Variants in CASK observed in about 807,000 individuals in gnomAD.
The protein encoded by CASK is calcium/calmodulin dependent serine protein kinase.
Under a neutral mutation model 82.9 loss-of-function variants are expected in CASK, and 4 were observed. That is an observed-to-expected ratio of 0.05 (90% CI 0.02 to 0.11). CASK has a LOEUF of 0.11. Ranked by LOEUF, CASK falls within the 10% of genes least tolerant of loss-of-function variation. The pLI, the probability that CASK is intolerant of heterozygous loss-of-function variation, is 1.00. For missense variants in CASK, 358 were observed against 720.9 expected (o/e 0.50, Z 5.76); for synonymous variants, 259 against 253.5 (o/e 1.02, Z -0.20).
chrX:41,767,171 C>T (rs750660373), intron 3 of CASK, among the ~76,000 whole-genome samples: 27 of 111,924 alleles, frequency 2.4e-4, no homozygotes, highest in Admixed American at 6.7e-4. Flanking sequence ...GATCCTTTAA[C>T]AACACAGTTC....
chrX:41,529,687 T>G (rs999564685), intron 25 of CASK: 2 of 113,503 alleles, frequency 1.8e-5, no homozygotes, highest in South Asian at 3.6e-4. Context: ...AAAATCAATC[T>G]GTGGTACACA....
At position 41,523,931 on chromosome X, in the gene CASK, A is replaced by G. The variant is rs1327969182; in HGVS notation, c.2604+20T>C. 1.8e-6 allele frequency: 2 copies of G among 1,129,168 alleles called. No homozygotes were observed. Among genetic ancestry groups the G allele is most frequent in the Non-Finnish European group, 2.4e-6 (2 of 823,673 alleles). 93.1% of individuals were successfully genotyped at this position (1,129,168 alleles called of 1,213,427 possible). A position where few individuals can be genotyped will look rare whatever the true frequency, so the allele number is the denominator to read the frequency against. On this transcript the variant is annotated intron_variant, in intron 26 of 26. Coordinates refer to ENST00000378163, the MANE Select transcript of CASK (RefSeq NM_001367721.1). ...CTTGATCCTTACAGCTTATTTGGGG[A>G]AAAACAGATTGATTCTTACCTCATT...
chrX:41,814,494 C>T (rs1384152003), intron 2 of CASK, among the ~76,000 whole-genome samples: 1 of 106,696 alleles, frequency 9.4e-6, no homozygotes, highest in African/African-American at 3.4e-5. Context: ...ATCGCAAGGA[C>T]AAAAAACCAA....
intron 14 of CASK, among the ~76,000 whole-genome samples, chrX:41,581,719 T>C (rs994308762): frequency 9.2e-6 from 1 of 108,968 alleles, no homozygotes; most frequent in African/African-American, 3.4e-5. Context: ...AGCCCCAGCA[T>C]TTAAAAGCTT....
intron 3 of CASK, among the ~76,000 whole-genome samples, chrX:41,765,272 T>A (rs775634547): frequency 1.8e-5 from 2 of 112,051 alleles, no homozygotes; most frequent in African/African-American, 6.5e-5. Context: ...TGAGTACAGT[T>A]TTTTAATGAA....
At chrX:41,667,246 C>T (rs932578626) in intron 6 of CASK, among the ~76,000 whole-genome samples, 19 of 111,424 alleles carry the variant, frequency 1.7e-4, no homozygotes, top group African/African-American at 5.2e-4. Flanking sequence ...AGGGGAAAAA[C>T]CATGGTAGAA....
At chrX:41,870,840 G>A (rs2071694846) in intron 1 of CASK, among the ~76,000 whole-genome samples, 1 of 112,226 alleles carries the variant, frequency 8.9e-6, no homozygotes, top group East Asian at 2.8e-4. Flanking sequence ...TGTTTGAAGA[G>A]CAGTAAGAAC....
chrX:41,854,189 T>C (rs779882717), intron 1 of CASK, among the ~76,000 whole-genome samples: 1 of 105,971 alleles, frequency 9.4e-6, no homozygotes, highest in South Asian at 4.3e-4. Context: ...GCCCATACCC[T>C]GGTCCAGGGA....
At chrX:41,588,194 C>G (rs1404615711) in intron 13 of CASK, 1 of 112,249 alleles carries the variant, frequency 8.9e-6, no homozygotes, top group Non-Finnish European at 1.9e-5. Context: ...CATATTGTTT[C>G]AAGATGATAA....
At chrX:41,817,254 G>A (rs1386089378) in intron 2 of CASK, among the ~76,000 whole-genome samples, 1 of 111,953 alleles carries the variant, frequency 8.9e-6, no homozygotes, top group East Asian at 2.8e-4. Flanking sequence ...AAAACCTACA[G>A]CTAATATTAA....
At chrX:41,748,441 G>A in intron 3 of CASK, 1 of 159,297 alleles carries the variant, frequency 6.3e-6, no homozygotes, top group South Asian at 1.4e-4. Flanking sequence ...ATCAGCCCCA[G>A]ATCCCAGATT....
intron 4 of CASK, chrX:41,743,609 G>T: frequency 3.4e-6 from 1 of 295,335 alleles, no homozygotes; most frequent in South Asian, 2.0e-4. Context: ...CCATCCCTGA[G>T]ACTAGGTCCC....
intron 5 of CASK, among the ~76,000 whole-genome samples, chrX:41,677,587 G>A (rs1245295551): frequency 8.9e-6 from 1 of 111,912 alleles, no homozygotes; most frequent in African/African-American, 3.3e-5. Flanking sequence ...TTGGTGGCAC[G>A]ATGGAGGCAA....
At chrX:41,916,977 A>G (rs916414723) in intron 1 of CASK, among the ~76,000 whole-genome samples, 3 of 112,415 alleles carry the variant, frequency 2.7e-5, no homozygotes, top group African/African-American at 6.5e-5. Flanking sequence ...CTGATGTTTC[A>G]TTAAAGAGAA....
chrX:41,616,679 C>T (rs4446884), intron 11 of CASK, among the ~76,000 whole-genome samples: 12,742 of 108,231 alleles, frequency 0.12, 740 homozygotes, highest in Middle Eastern at 0.17. Flanking sequence ...ATGATTTCAG[C>T]TCACTGCAAC....
chrX:41,601,136 CAT>C (rs767267411), intron 12 of CASK, among the ~76,000 whole-genome samples: 1 of 111,161 alleles, frequency 9.0e-6, no homozygotes. Context: ...TGGGTACAGA[CAT>C]TTAGTTGGGA....
chrX:41,690,355 A>T (rs1339383676), intron 5 of CASK, among the ~76,000 whole-genome samples: 3 of 106,543 alleles, frequency 2.8e-5, no homozygotes, highest in African/African-American at 1.0e-4. Flanking sequence ...TAAAAAAAAA[A>T]TTTTTTTTTG....
chrX:41,830,036 T>C (rs747905784), intron 2 of CASK, among the ~76,000 whole-genome samples: 8 of 107,864 alleles, frequency 7.4e-5, no homozygotes, highest in Non-Finnish European at 1.5e-4. Flanking sequence ...GGTCTCACTC[T>C]GTTGCCCAGG....
intron 11 of CASK, among the ~76,000 whole-genome samples, chrX:41,618,430 G>A (rs1180779167): frequency 6.3e-5 from 7 of 110,829 alleles, no homozygotes. Flanking sequence ...CTTCCAAACA[G>A]GTGGGACTAC....
Sources: allele counts gnomAD v4.1 joint callset (sites outside exome capture counted in the v4.1 genomes callset), GRCh38; gene constraint gnomAD v4.1.1; transcripts MANE v1.5; gene names NCBI Gene and HGNC (gene_info 2026-07-23, HGNC 2026-07-21).